DHX29: variants seen among roughly 807,000 people sequenced by gnomAD.
DHX29 encodes the protein ATP-dependent RNA helicase DHX29.
In DHX29, 79 loss-of-function variants were observed where a neutral mutation model predicts 167.9. That is an observed-to-expected ratio of 0.47 (90% CI 0.39 to 0.57). The LOEUF (loss-of-function observed/expected upper bound fraction) is 0.57, where lower values mean the gene tolerates loss of function less well. Among genes scored for constraint, DHX29 ranks in the 20% least tolerant of loss-of-function variants. The probability of loss-of-function intolerance (pLI) is 0.00; values close to 1 mark genes in which losing one functional copy is unlikely to be tolerated. For missense variants in DHX29, 1,347 were observed against 1,593.4 expected (o/e 0.85, Z 2.63); for synonymous variants, 530 against 546.0 (o/e 0.97, Z 0.41).
At chr5:55,285,565 A>G (rs1256578540) in intron 9 of DHX29, 131 bp downstream of exon 9, 14 of 1,237,094 alleles carry the variant, frequency 1.1e-5, no homozygotes, top group Non-Finnish European at 1.4e-5. Context: ...TCTATCAGAC[A>G]ATAAACCTGA....
chr5:55,302,240 A>C (rs911458278), intron 1 of DHX29, among the ~76,000 whole-genome samples: 1 of 152,148 alleles, frequency 6.6e-6, no homozygotes, highest in African/African-American at 2.4e-5. Flanking sequence ...AATTATAGTA[A>C]GCTTGTGCAC....
chr5:55,297,209 C>T lies in DHX29; in HGVS notation c.375+76G>A, dbSNP rs562855408. On this transcript the variant is annotated intron_variant, in intron 3 of 26. Transcript: ENST00000251636. ...AAAATCTCAATGGAAGTTGTAAAGC[C>T]ATTTTTATCTCACATGAGGAGCTGT... 4 of 681,970 alleles carry T rather than the reference C, an allele frequency of 5.9e-6. No individual in the cohort carries two copies. The South Asian group carries it at 7.1e-5, about 12-fold the overall frequency. The allele number at this position is 681,970 out of a possible 1,614,324, so 42.2% of individuals were successfully genotyped here.
chr5:55,303,348 T>C (rs1748702016), intron 1 of DHX29, among the ~76,000 whole-genome samples: 1 of 152,168 alleles, frequency 6.6e-6, no homozygotes, highest in African/African-American at 2.4e-5. Flanking sequence ...ACAGACCCAG[T>C]GCCTGTCCTC....
At chr5:55,280,435 C>T (rs7730986) in intron 12 of DHX29, among the ~76,000 whole-genome samples, 60,197 of 151,936 alleles carry the variant, frequency 0.4, 12,840 homozygotes, top group African/African-American at 0.55. Context: ...TATAAATATA[C>T]TGTAGCTTAA....
In DHX29 at chr5:55,274,883, T is replaced by G. The variant is rs1747027671; in HGVS notation, c.2555A>C (p.Glu852Ala). ...PHKINLDLIL[E>A]LLAYLDKSPQ... is the part of the protein sequence containing the mutation. ...AAATATACCTAAGTATGCAAGAAGT[T>G]CCAAAATGAGATCCAGGTTGATTTT... Residue 852 changes from glutamate (E) to alanine (A), a missense_variant, in exon 15 of 27, where the codon GAA (glutamate) becomes GCA (alanine). Transcript: ENST00000251636. The G allele has an allele frequency of 2.5e-6, 4 of 1,613,280 alleles. No individual in the cohort carries two copies. Among genetic ancestry groups the G allele is most frequent in the East Asian group, 2.2e-5 (1 of 44,838 alleles).
rs115972374 is a variant in DHX29 at position 55,291,363 on chromosome 5, T to C, written c.781-1019A>G. 5.9e-3 allele frequency among the ~76,000 whole-genome samples: 903 copies of C among 152,330 alleles called. 3 individuals carry two copies. The highest frequency in any genetic ancestry group is 9.8e-3 in the Non-Finnish European group (665 of 68,030). ...TATCTAGCCGAATTTTGGTACCATTTTGTGTAAAGACAAATATCAATACAG... is the reference window on the plus strand; with the variant it reads ...TATCTAGCCGAATTTTGGTACCATTCTGTGTAAAGACAAATATCAATACAG... On this transcript the variant is annotated intron_variant, in intron 6 of 26. Transcript: ENST00000251636.
intron 14 of DHX29, 27 bp from the exon 15 acceptor site, chr5:55,275,037 T>C (rs1747039602): frequency 1.9e-6 from 3 of 1,599,696 alleles, no homozygotes; most frequent in South Asian, 1.1e-5. Context: ...CAGAGGGAGG[T>C]GAATAAAAAT....
chr5:55,279,815 C>T (rs1747311172), intron 12 of DHX29, among the ~76,000 whole-genome samples: 1 of 151,200 alleles, frequency 6.6e-6, no homozygotes, highest in East Asian at 1.9e-4. Context: ...AAGTGATCCT[C>T]CCCCCTTCAG....
chr5:55,269,708 G>A (rs1330905874), intron 20 of DHX29, 71 bp from the exon 21 acceptor site: 4 of 1,293,142 alleles, frequency 3.1e-6, no homozygotes, highest in Non-Finnish European at 4.4e-6. Context: ...GATGTTAGTG[G>A]AACTAAATTT....
Position 55,283,523 on chromosome 5 carries a change from C to T in DHX29, c.1645G>A (p.Val549Ile), listed in dbSNP as rs763220915. ...ESANVEDLEP[V>I]RNLFRKLQST... The stretch of plus-strand genomic sequence containing the variant: ...TGCAACTTTCTAAAGAGGTTTCTAA[C>T]AGGTTCCAAATCTTCCACATTTGCT... Residue 549 changes from valine to isoleucine, a missense_variant, in exon 11 of 27, where the codon GTT becomes ATT. Around this residue, in one of 3 missense-constraint regions of DHX29, gnomAD observed 882 missense variants for 1,082.4 expected, o/e 0.81. Transcript: ENST00000251636. 46 of 1,614,062 alleles carry T rather than the reference C, an allele frequency of 2.8e-5. No individual in the cohort carries two copies. The South Asian group carries it at 4.1e-4, about 14-fold the overall frequency.
chr5:55,279,002 T>G (rs1747260188), intron 12 of DHX29, among the ~76,000 whole-genome samples: 1 of 152,302 alleles, frequency 6.6e-6, no homozygotes, highest in African/African-American at 2.4e-5. Flanking sequence ...AGCAGAGGAA[T>G]CATGTGGTCT....
chr5:55,295,724 T>C (rs183400044), intron 4 of DHX29, among the ~76,000 whole-genome samples, 200 bp from the exon 5 acceptor site: 20 of 152,318 alleles, frequency 1.3e-4, no homozygotes, highest in Admixed American at 3.3e-4. Flanking sequence ...CATCAGATGA[T>C]AGCTAGCCCT....
At chr5:55,291,591 T>C (rs1483219437) in intron 6 of DHX29, among the ~76,000 whole-genome samples, 1 of 152,228 alleles carries the variant, frequency 6.6e-6, no homozygotes, top group Non-Finnish European at 1.5e-5. Context: ...ACATTCATAA[T>C]GTTGTACAAC....
At chr5:55,289,077 T>C (rs1747896480) in intron 8 of DHX29, among the ~76,000 whole-genome samples, 193 bp downstream of exon 8, 1 of 152,214 alleles carries the variant, frequency 6.6e-6, no homozygotes, top group Admixed American at 6.5e-5. Flanking sequence ...GCAAGATATT[T>C]ATTTGTAATT....
At chr5:55,280,472 A>G (rs1251372791) in intron 12 of DHX29, among the ~76,000 whole-genome samples, 1 of 152,208 alleles carries the variant, frequency 6.6e-6, no homozygotes, top group African/African-American at 2.4e-5. Flanking sequence ...AGAAAAAAAA[A>G]TTAGCATTTT....
At chr5:55,257,651 A>T (rs916675933) in intron 26 of DHX29, among the ~76,000 whole-genome samples, 2 of 152,212 alleles carry the variant, frequency 1.3e-5, no homozygotes, top group African/African-American at 4.8e-5. Context: ...GAGTAAGTTC[A>T]GTTACTGTTT....
At chr5:55,279,963 C>T (rs1747320325) in intron 12 of DHX29, among the ~76,000 whole-genome samples, 1 of 151,892 alleles carries the variant, frequency 6.6e-6, no homozygotes, top group African/African-American at 2.4e-5. Context: ...TATAGATGGG[C>T]AGAAAATTTG....
At chr5:55,279,505 G>A (rs969829274) in intron 12 of DHX29, 1 of 151,982 alleles carries the variant, frequency 6.6e-6, no homozygotes. Flanking sequence ...ATACAAATAA[G>A]GATTTTTTGT....
intron 1 of DHX29, among the ~76,000 whole-genome samples, chr5:55,306,882 T>C (rs887928978): frequency 1.1e-4 from 16 of 152,224 alleles, no homozygotes; most frequent in African/African-American, 3.9e-4. Flanking sequence ...AATTTTACAA[T>C]AGATTACACG....
Sources: gnomAD v4.1 joint callset for allele counts (sites outside exome capture counted in the v4.1 genomes callset) on GRCh38, gnomAD v4.1.1 for gene constraint, gnomAD v4.1.1 regional missense constraint, MANE v1.5 for transcripts, NCBI Gene and HGNC (gene_info 2026-07-23, HGNC 2026-07-21) for gene names.